The following LCLAT1 variants were observed in gnomAD, a reference collection of about 807,000 sequenced individuals.
LCLAT1 encodes lysocardiolipin acyltransferase 1, also known as 1-AGP acyltransferase 8.
In LCLAT1, 11 loss-of-function variants were observed where a neutral mutation model predicts 30.7. The observed-to-expected ratio is 0.36, with a 90% CI of 0.23 to 0.59. The LOEUF is 0.59. Among genes scored for constraint, LCLAT1 ranks in the 20% least tolerant of loss-of-function variants. The probability of loss-of-function intolerance (pLI) is 0.77; values close to 1 mark genes in which losing one functional copy is unlikely to be tolerated. For missense variants in LCLAT1, 402 were observed against 458.6 expected, an observed-to-expected ratio of 0.88 and a Z score of 1.13; for synonymous variants, 155 against 151.3, an observed-to-expected ratio of 1.02 and a Z score of -0.18.
At chr2:30,477,619 G>T (rs144148039) in intron 1 of LCLAT1, among the ~76,000 whole-genome samples, 1 of 152,010 alleles carries the variant, frequency 6.6e-6, no homozygotes, top group Non-Finnish European at 1.5e-5. Flanking sequence ...TCACTTCTGC[G>T]CATACCTAAA....
chr2:30,468,321 C>A (rs1682580939), intron 1 of LCLAT1, among the ~76,000 whole-genome samples: 1 of 152,108 alleles, frequency 6.6e-6, no homozygotes, highest in Admixed American at 6.5e-5. Context: ...GTTTTGGTAC[C>A]AGTACCATGC....
At chr2:30,545,786 T>C (rs756669083) in intron 3 of LCLAT1, among the ~76,000 whole-genome samples, 2 of 152,172 alleles carry the variant, frequency 1.3e-5, no homozygotes, top group African/African-American at 2.4e-5. Context: ...TGCCTAGTGA[T>C]TTTGTGCCAG....
rs79261175 is a variant in LCLAT1 at position 30,547,499 on chromosome 2, G to T, written c.364+14185G>T. ...TACTGGCTTTCTCAGCCTCCTGTCAGCAGGGATGGTTGTTTGAGCCAGTCT... is the reference window on the plus strand; with the variant it reads ...TACTGGCTTTCTCAGCCTCCTGTCATCAGGGATGGTTGTTTGAGCCAGTCT... On this transcript the variant is annotated intron_variant, in intron 3 of 5. Coordinates refer to ENST00000379509, the MANE Select transcript of LCLAT1 (RefSeq NM_001002257.3). Among the ~76,000 whole-genome samples the T allele has an allele frequency of 1.7e-3, 253 of 152,232 alleles. 6 individuals carry two copies. In the East Asian group the frequency reaches 0.042, roughly 25 times the overall value.
chr2:30,568,829 G>A (rs12468064), intron 5 of LCLAT1, among the ~76,000 whole-genome samples: 122,518 of 139,544 alleles, frequency 0.88, 54,058 homozygotes, highest in African/African-American at 0.97. Context: ...AGAGTATCTT[G>A]TCACTTAATC....
intron 1 of LCLAT1, among the ~76,000 whole-genome samples, chr2:30,451,145 T>C (rs1681527444): frequency 6.6e-6 from 1 of 152,158 alleles, no homozygotes; most frequent in African/African-American, 2.4e-5. Flanking sequence ...GTGGGAAATA[T>C]AAATTAAAAC....
intron 1 of LCLAT1, among the ~76,000 whole-genome samples, chr2:30,483,138 A>G (rs977430633): frequency 3.3e-5 from 5 of 152,292 alleles, no homozygotes; most frequent in African/African-American, 9.6e-5. Context: ...AGACATTAAT[A>G]TTAGGGGAAA....
chr2:30,447,862 C>A (rs974389333), intron 1 of LCLAT1, among the ~76,000 whole-genome samples: 1 of 152,214 alleles, frequency 6.6e-6, no homozygotes, highest in African/African-American at 2.4e-5. Flanking sequence ...CCGTGGAGAG[C>A]AGGGGCTGGG....
chr2:30,628,212 A>T (rs1034210231), intron 5 of LCLAT1, among the ~76,000 whole-genome samples: 1 of 152,222 alleles, frequency 6.6e-6, no homozygotes, highest in African/African-American at 2.4e-5. Context: ...TAAATTTTTT[A>T]AAAAACATCA....
At position 30,642,109 on chromosome 2, in the gene LCLAT1, A is replaced by G. The variant is rs1255393493; in HGVS notation, c.*1490A>G. 4 of 152,054 alleles carry G rather than the reference A, an allele frequency of 2.6e-5. No individual in the cohort carries two copies. The highest frequency in any genetic ancestry group is 5.9e-5 in the Non-Finnish European group (4 of 68,014). The allele number at this position is 152,054 out of a possible 1,614,324, so 9.4% of individuals were successfully genotyped here. On this transcript the variant is annotated 3_prime_UTR_variant, in exon 6 of 6. Coordinates refer to ENST00000379509, the MANE Select transcript of LCLAT1 (RefSeq NM_001002257.3). ...TCTCGTTTTTGCTTGACAGTGACCT[A>G]CCCAATAATTGCATCGTGCATTGCC...
chr2:30,503,178 G>A (rs1164657587), intron 1 of LCLAT1, among the ~76,000 whole-genome samples: 1 of 152,154 alleles, frequency 6.6e-6, no homozygotes, highest in Non-Finnish European at 1.5e-5. Context: ...TGGTGGGAGT[G>A]TCTTATGCTA....
chr2:30,511,773 G>A (rs541934574), intron 1 of LCLAT1, among the ~76,000 whole-genome samples: 2 of 152,226 alleles, frequency 1.3e-5, no homozygotes, highest in Admixed American at 1.3e-4. Flanking sequence ...CTAGAGAATA[G>A]ACATGCAAGT....
chr2:30,534,219 CTGTG>C (rs57380693), intron 3 of LCLAT1, among the ~76,000 whole-genome samples: 3,360 of 130,442 alleles, frequency 0.026, 37 homozygotes, highest in African/African-American at 0.05. Flanking sequence ...AGTTGATTTA[CTGTG>C]TGTGTGTGTG....
At chr2:30,606,908 T>TA (rs1218063985) in intron 5 of LCLAT1, 2 of 151,668 alleles carry the variant, frequency 1.3e-5, no homozygotes, top group Non-Finnish European at 2.9e-5. Context: ...ACAACCCCAT[T>TA]AAAAAAGTGG....
At chr2:30,467,238 C>T (rs1227670773) in intron 1 of LCLAT1, among the ~76,000 whole-genome samples, 3 of 152,184 alleles carry the variant, frequency 2.0e-5, no homozygotes, top group African/African-American at 7.2e-5. Context: ...TGGTTTCCAG[C>T]TTCATCCATG....
At chr2:30,552,206 T>A (rs10197664) in intron 3 of LCLAT1, among the ~76,000 whole-genome samples, 4 of 152,034 alleles carry the variant, frequency 2.6e-5, no homozygotes, top group Admixed American at 2.6e-4. Flanking sequence ...ATTTCCAATC[T>A]CATATAATAT....
chr2:30,470,023 G>A (rs1457035333), intron 1 of LCLAT1, among the ~76,000 whole-genome samples: 1 of 152,086 alleles, frequency 6.6e-6, no homozygotes, highest in African/African-American at 2.4e-5. Flanking sequence ...GAGTCACCAC[G>A]CCCAGCAAGA....
Position 30,557,453 on chromosome 2 carries a change from C to T in LCLAT1, c.365-4693C>T, listed in dbSNP as rs114186988. 7.0e-3 allele frequency among the ~76,000 whole-genome samples: 1,053 copies of T among 150,980 alleles called. 11 individuals carry two copies. Among genetic ancestry groups the T allele is most frequent in the African/African-American group, 0.024 (996 of 41,124 alleles). ...TTTTGAGGCAAAGTTTCACTTTTGTCGCCCAGCCTGGAGTGCAATGGCACA... is the reference window on the plus strand; with the variant it reads ...TTTTGAGGCAAAGTTTCACTTTTGTTGCCCAGCCTGGAGTGCAATGGCACA... On this transcript the variant is annotated intron_variant, in intron 3 of 5. Coordinates refer to ENST00000379509, the MANE Select transcript of LCLAT1 (RefSeq NM_001002257.3).
chr2:30,620,870 C>G (rs910487647), intron 5 of LCLAT1, among the ~76,000 whole-genome samples: 1 of 151,898 alleles, frequency 6.6e-6, no homozygotes, highest in Non-Finnish European at 1.5e-5. Flanking sequence ...AGGGGAGAAT[C>G]CTTCCTTGCC....
At chr2:30,544,567 G>A (rs977484883) in intron 3 of LCLAT1, among the ~76,000 whole-genome samples, 2 of 152,090 alleles carry the variant, frequency 1.3e-5, no homozygotes, top group Non-Finnish European at 2.9e-5. Context: ...TGATCACTTG[G>A]TCCTTTGGAT....
Sources: allele counts gnomAD v4.1 joint callset (sites outside exome capture counted in the v4.1 genomes callset), GRCh38; gene constraint gnomAD v4.1.1; transcripts MANE v1.5; gene names NCBI Gene and HGNC (gene_info 2026-07-23, HGNC 2026-07-21).